Variants in ADCY3 observed in about 807,000 individuals in gnomAD.
The protein encoded by ADCY3 is adenylate cyclase 3, also known as adenylate cyclase type 3.
In ADCY3, 70 loss-of-function variants were observed where a neutral mutation model predicts 119.4. The ratio of observed to expected loss-of-function variants is 0.59; its 90% CI spans 0.48 to 0.72. The LOEUF is 0.72. Ranked by LOEUF, ADCY3 falls within the 30% of genes least tolerant of loss-of-function variation. The pLI, the probability that ADCY3 is intolerant of heterozygous loss-of-function variation, is 0.00. For missense variants in ADCY3, 1,238 were observed against 1,541.6 expected, an observed-to-expected ratio of 0.80 and a Z score of 3.30; for synonymous variants, 672 against 621.4, an observed-to-expected ratio of 1.08 and a Z score of -1.21.
chr2:24,909,298 T>C (rs980837780), intron 2 of ADCY3, among the ~76,000 whole-genome samples: 4 of 152,054 alleles, frequency 2.6e-5, no homozygotes, highest in African/African-American at 9.7e-5. Flanking sequence ...CCCAATCCTA[T>C]CTGGTGTTTC....
At chr2:24,890,692 A>G (rs555078010) in intron 2 of ADCY3, among the ~76,000 whole-genome samples, 8 of 152,170 alleles carry the variant, frequency 5.3e-5, no homozygotes, top group Middle Eastern at 3.4e-3. Flanking sequence ...CATTTTCCCA[A>G]TCATCTAGCT....
At chr2:24,911,214 GTTCTTTT>G (rs1558527086) in intron 2 of ADCY3, among the ~76,000 whole-genome samples, 1 of 139,064 alleles carries the variant, frequency 7.2e-6, no homozygotes, top group African/African-American at 2.8e-5. Context: ...AGATATAAGG[GTTCTTTT>G]TTTTTTTTTT....
intron 16 of ADCY3, among the ~76,000 whole-genome samples, 166 bp from the exon 17 acceptor site, chr2:24,824,702 A>G (rs1032813160): frequency 6.6e-6 from 1 of 152,314 alleles, no homozygotes; most frequent in Admixed American, 6.5e-5. Context: ...CAGCCTGACC[A>G]ACATGGTGAA....
chr2:24,913,799 C>A (rs1467284464), intron 2 of ADCY3, among the ~76,000 whole-genome samples: 1 of 152,192 alleles, frequency 6.6e-6, no homozygotes, highest in African/African-American at 2.4e-5. Context: ...ACATCCACAG[C>A]TTCCTCATGT....
intron 19 of ADCY3, 83 bp downstream of exon 19, chr2:24,822,428 T>C: frequency 6.4e-7 from 1 of 1,569,522 alleles, no homozygotes; most frequent in Non-Finnish European, 8.7e-7. Context: ...CAGCAGTTCT[T>C]ATTTCCCCCA....
chr2:24,833,337 G>C lies in ADCY3; in HGVS notation c.1967+1148C>G, dbSNP rs902214499. Among the ~76,000 whole-genome samples the C allele has an allele frequency of 2.0e-5, 3 of 152,142 alleles. No individual in the cohort carries two copies. The South Asian group carries it at 6.2e-4, about 32-fold the overall frequency. ...GATGCCTCCTCACTGTGCCTCCAGG[G>C]GCCAGGCCACTCCAGCCTCAGCACC... On this transcript the variant is annotated intron_variant, in intron 11 of 21. Coordinates refer to ENST00000679454, the MANE Select transcript of ADCY3 (RefSeq NM_004036.5).
chr2:24,858,035 G>A (rs1438364606), intron 3 of ADCY3, among the ~76,000 whole-genome samples: 1 of 135,628 alleles, frequency 7.4e-6, no homozygotes, highest in Non-Finnish European at 1.5e-5. Flanking sequence ...GGGTCCCGCT[G>A]TCTCCCAGGC....
intron 7 of ADCY3, chr2:24,838,830 G>A (rs1231453183): frequency 1.2e-6 from 2 of 1,609,220 alleles, no homozygotes; most frequent in Non-Finnish European, 8.5e-7. Context: ...TAGCTGTGTG[G>A]GCCGTATGGC....
intron 3 of ADCY3, among the ~76,000 whole-genome samples, chr2:24,847,994 G>A (rs964243650): frequency 5.3e-5 from 8 of 152,342 alleles, no homozygotes; most frequent in Non-Finnish European, 7.3e-5. Flanking sequence ...GGAGGCAGCC[G>A]TCAGGATCAT....
chr2:24,832,143 G>A, intron 11 of ADCY3: 2 of 217,838 alleles, frequency 9.2e-6, no homozygotes, highest in East Asian at 1.2e-4. Flanking sequence ...GCTCCACGCG[G>A]TGCCAGGGAA....
chr2:24,891,905 G>T (rs1223707988), intron 2 of ADCY3, among the ~76,000 whole-genome samples: 1 of 152,088 alleles, frequency 6.6e-6, no homozygotes, highest in East Asian at 1.9e-4. Context: ...GTATATATAG[G>T]AAAAATATGG....
At position 24,842,553 on chromosome 2, in the gene ADCY3, A is replaced by G. The variant is rs753666405; in HGVS notation, c.826-169T>C. The stretch of plus-strand genomic sequence containing the variant: ...CCTCGGGAGCAGCCAGGGGTCTGGG[A>G]CAGGCAGCTTCTGGCCCTGACAAGG... On this transcript the variant is annotated intron_variant, in intron 3 of 21. Transcript: ENST00000679454. This position sits in a 1 kb window ranked among gnomAD's most constrained non-coding sequence, Gnocchi z 4.9. 6 of 843,416 alleles carry G rather than the reference A, an allele frequency of 7.1e-6. No individual in the cohort carries two copies. The highest frequency in any genetic ancestry group is 1.1e-5 in the Non-Finnish European group (6 of 556,782). 52.2% of individuals were successfully genotyped at this position (843,416 alleles called of 1,614,324 possible). A position where few individuals can be genotyped will look rare whatever the true frequency, so the allele number is the denominator to read the frequency against.
chr2:24,857,012 G>T (rs781023055), intron 3 of ADCY3, among the ~76,000 whole-genome samples: 7 of 152,204 alleles, frequency 4.6e-5, no homozygotes, highest in Non-Finnish European at 1.0e-4. Context: ...AGATCAACAG[G>T]CCCCAAGAGA....
chr2:24,855,431 G>A (rs1398304820), intron 3 of ADCY3, among the ~76,000 whole-genome samples: 2 of 152,202 alleles, frequency 1.3e-5, no homozygotes, highest in African/African-American at 4.8e-5. Flanking sequence ...GAAGACTGCG[G>A]GAAGAGCCGA....
chr2:24,855,672 G>A (rs903482511), intron 3 of ADCY3, among the ~76,000 whole-genome samples: 2 of 152,200 alleles, frequency 1.3e-5, no homozygotes, highest in Non-Finnish European at 2.9e-5. Context: ...AACAAGCCCT[G>A]GAAGTTCCTA....
In ADCY3 at chr2:24,842,391, G is replaced by A. The variant is rs1671117245; in HGVS notation, c.826-7C>T. On this transcript the variant is annotated splice_region_variant and splice_polypyrimidine_tract_variant and intron_variant, in intron 3 of 21. Coordinates refer to ENST00000679454, the MANE Select transcript of ADCY3 (RefSeq NM_004036.5). This position sits in a 1 kb window ranked among gnomAD's most constrained non-coding sequence, Gnocchi z 4.9. ...TGGAAAGCATGAGGTTCTCCTGTGA[G>A]GGGCAGGAGAGGGTCAGAGGCAAAG... The A allele has an allele frequency of 1.2e-6, 2 of 1,614,102 alleles. No individual in the cohort carries two copies. Among genetic ancestry groups the A allele is most frequent in the South Asian group, 1.1e-5 (1 of 91,074 alleles).
At chr2:24,874,565 T>TC (rs915558296) in intron 2 of ADCY3, among the ~76,000 whole-genome samples, 1 of 152,180 alleles carries the variant, frequency 6.6e-6, no homozygotes, top group Admixed American at 6.5e-5. Flanking sequence ...TGGCCACCTC[T>TC]CCTTCCCTCC....
rs1182699265 is a variant in ADCY3 at position 24,834,188 on chromosome 2, C to A, written c.1967+297G>T. On this transcript the variant is annotated intron_variant, in intron 11 of 21. Coordinates refer to ENST00000679454, the MANE Select transcript of ADCY3 (RefSeq NM_004036.5). The surrounding 1 kb of genome is among the most constrained non-coding windows in gnomAD (Gnocchi z 4.2). Reference sequence around the variant, plus strand: ...CTTTGTCCCAAGAATCAGTGTGGGCCCATCTAGCCAAGGTCTCCAGCCTTC... The same window carrying A: ...CTTTGTCCCAAGAATCAGTGTGGGCACATCTAGCCAAGGTCTCCAGCCTTC... Among the ~76,000 whole-genome samples, 1 of 152,220 alleles carries A rather than the reference C, an allele frequency of 6.6e-6. No individual in the cohort carries two copies. The highest frequency in any genetic ancestry group is 1.5e-5 in the Non-Finnish European group (1 of 68,044).
At chr2:24,862,863 T>A (rs1673844888) in intron 3 of ADCY3, among the ~76,000 whole-genome samples, 1 of 152,164 alleles carries the variant, frequency 6.6e-6, no homozygotes, top group Non-Finnish European at 1.5e-5. Flanking sequence ...ATCTTCAAAA[T>A]TGTATCCAAC....
Sources: gnomAD v4.1 joint callset for allele counts (sites outside exome capture counted in the v4.1 genomes callset) on GRCh38, gnomAD v4.1.1 for gene constraint, Gnocchi (gnomAD v3.1) non-coding constraint, MANE v1.5 for transcripts, NCBI Gene and HGNC (gene_info 2026-07-23, HGNC 2026-07-21) for gene names.